The following SBK2 variants were observed in gnomAD, a reference collection of about 807,000 sequenced individuals.
The protein encoded by SBK2 is serine/threonine-protein kinase SBK2.
In SBK2, 18 loss-of-function variants were observed where a neutral mutation model predicts 15.9. The observed-to-expected ratio is 1.13, with a 90% CI of 0.78 to 1.68. The LOEUF (loss-of-function observed/expected upper bound fraction) is 1.68, where lower values mean the gene tolerates loss of function less well. Among genes scored for constraint, SBK2 ranks in the 40% most tolerant of loss-of-function variants. The pLI is 0.00. For missense variants in SBK2, 581 were observed against 510.9 expected (o/e 1.14, Z -1.32); for synonymous variants, 284 against 246.8 (o/e 1.15, Z -1.41).
At chr19:55,531,935 C>T (rs1044044667) in intron 2 of SBK2, among the ~76,000 whole-genome samples, 6 of 150,832 alleles carry the variant, frequency 4.0e-5, no homozygotes, top group African/African-American at 9.8e-5. Flanking sequence ...GCCGAGATTG[C>T]GCCACTGCAC....
intron 3 of SBK2, 146 bp from the exon 4 acceptor site, chr19:55,530,469 G>T: frequency 2.2e-6 from 1 of 457,658 alleles, no homozygotes; most frequent in Non-Finnish European, 3.7e-6. Flanking sequence ...TGTGAGGCCT[G>T]CGGGTTTAGT....
chr19:55,535,980 A>T (rs983989239), intron 2 of SBK2, 62 bp downstream of exon 2: 3 of 1,390,230 alleles, frequency 2.2e-6, no homozygotes, highest in Non-Finnish European at 9.4e-7. Flanking sequence ...AGCCTGGGCT[A>T]CCCCAGGCCC....
At chr19:55,535,891 A>AACCC (rs1792009918) in intron 2 of SBK2, 151 bp downstream of exon 2, 1 of 762,890 alleles carries the variant, frequency 1.3e-6, no homozygotes, top group Admixed American at 4.2e-5. Flanking sequence ...ACAACCAACC[A>AACCC]ACCAAAAGAA....
intron 1 of SBK2, 88 bp from the exon 2 acceptor site, chr19:55,536,384 G>A: frequency 1.7e-6 from 2 of 1,151,824 alleles, no homozygotes; most frequent in Non-Finnish European, 2.3e-6. Flanking sequence ...GTCTGAGGGA[G>A]GAGGGGCTGG....
In SBK2 at chr19:55,530,054, G is replaced by C; in HGVS notation, c.726C>G (p.Pro242=). ...PPLPEGLPIQ[P]ALDAWALGVL... is the part of the protein sequence containing the mutation. ...CGCCCAGCGCCCAGGCGTCCAGGGC[G>C]GGCTGAATGGGCAGGCCCTCGGGGA... is the stretch of plus-strand genomic sequence containing the variant. The change falls in exon 4 of 4, where the codon CCC becomes CCG. Residue 242 remains proline, a synonymous_variant. Coordinates refer to ENST00000413299, the MANE Select transcript of SBK2 (RefSeq NM_001370096.2). The C allele has an allele frequency of 6.8e-6, 10 of 1,463,340 alleles. No individual in the cohort carries two copies. Among genetic ancestry groups the C allele is most frequent in the Non-Finnish European group, 8.1e-6 (9 of 1,113,000 alleles). The allele number at this position is 1,463,340 out of a possible 1,614,324, so 90.6% of individuals were successfully genotyped here. A position where few individuals can be genotyped will look rare whatever the true frequency, so the allele number is the denominator to read the frequency against.
In SBK2 at chr19:55,536,131, C is replaced by T. The variant is rs746765416; in HGVS notation, c.164G>A (p.Arg55Gln). The T allele has an allele frequency of 2.5e-6, 4 of 1,571,224 alleles. No individual in the cohort carries two copies. Among genetic ancestry groups the T allele is most frequent in the Admixed American group, 1.9e-5 (1 of 53,724 alleles). The change falls in exon 2 of 4, where the codon CGA becomes CAA. Residue 55 changes from arginine to glutamine, a missense_variant. Coordinates refer to ENST00000413299, the MANE Select transcript of SBK2 (RefSeq NM_001370096.2). ...CTCGTAGAGCTCGTCCACCTCGGCT[C>T]GGACCAGGGTCTGAGCACTCAGCGT... ...MMTLSAQTLV[R>Q]AEVDELYEEV...
rs1312799841 is a variant in SBK2 at position 55,529,958 on chromosome 19, G to C, written c.822C>G (p.Tyr274Ter). 3.3e-6 allele frequency: 5 copies of C among 1,532,802 alleles called. No homozygotes were observed. Among genetic ancestry groups the C allele is most frequent in the East Asian group, 2.4e-5 (1 of 40,904 alleles). 95.0% of individuals were successfully genotyped at this position (1,532,802 alleles called of 1,614,324 possible). The change falls in exon 4 of 4, where the codon TAC (tyrosine) becomes TAG (stop). Residue 274 changes from tyrosine to a stop codon, truncating the protein, a stop_gained. Transcript: ENST00000413299. LOFTEE classifies it low-confidence loss of function (END_TRUNC). ...DRPLAEADPF[Y>*]EDFLIWQASG... ...ACGCCTGCCAGATGAGGAAGTCCTC[G>C]TAGAAGGGGTCGGCCTCGGCCAGGG...
intron 2 of SBK2, among the ~76,000 whole-genome samples, chr19:55,534,289 G>A (rs1988341954): frequency 6.6e-6 from 1 of 152,132 alleles, no homozygotes; most frequent in Admixed American, 6.6e-5. Flanking sequence ...ACACACAGAG[G>A]GACGACCATG....
At position 55,530,296 on chromosome 19, in the gene SBK2, G is replaced by T; in HGVS notation, c.484C>A (p.Arg162Ser). 1 of 1,431,388 alleles carries T rather than the reference G, an allele frequency of 7.0e-7. No individual in the cohort carries two copies. 88.7% of individuals were successfully genotyped at this position (1,431,388 alleles called of 1,614,324 possible). A position where few individuals can be genotyped will look rare whatever the true frequency, so the allele number is the denominator to read the frequency against. ...GCGGAGGCCAGCTGGGCGGCGCAGCGGTGCACCGCGGGCTGCGGGAGGCCC... is the reference window on the plus strand; with the variant it reads ...GCGGAGGCCAGCTGGGCGGCGCAGCTGTGCACCGCGGGCTGCGGGAGGCCC... ...KVGLPQPAVHRCAAQLASALE... is the reference protein window; with the variant it reads ...KVGLPQPAVHSCAAQLASALE... The change falls in exon 4 of 4, where the codon CGC becomes AGC. Residue 162 changes from arginine to serine, a missense_variant. Transcript: ENST00000413299.
Position 55,530,037 on chromosome 19 carries a change from G to T in SBK2, c.743C>A (p.Ala248Glu), listed in dbSNP as rs546747792. 3 of 1,490,200 alleles carry T rather than the reference G, an allele frequency of 2.0e-6. No individual in the cohort carries two copies. The highest frequency in any genetic ancestry group is 2.7e-6 in the Non-Finnish European group (3 of 1,124,176). 92.3% of individuals were successfully genotyped at this position (1,490,200 alleles called of 1,614,324 possible). ...GAGGCAGAAGAGCAGGACGCCCAGC[G>T]CCCAGGCGTCCAGGGCGGGCTGAAT... is the stretch of plus-strand genomic sequence containing the variant. ...LPIQPALDAW[A>E]LGVLLFCLLT... The change falls in exon 4 of 4, where the codon GCG becomes GAG. Residue 248 changes from alanine (A) to glutamate (E), a missense_variant. Transcript: ENST00000413299.
intron 2 of SBK2, 74 bp from the exon 3 acceptor site, chr19:55,531,419 G>T (rs1469015851): frequency 5.0e-6 from 6 of 1,208,230 alleles, no homozygotes; most frequent in African/African-American, 1.5e-5. Context: ...CTGTTCCCCT[G>T]TGGTCCCCTC....
At chr19:55,531,425 CCCT>C in intron 2 of SBK2, 80 bp from the exon 3 acceptor site, 1 of 1,051,090 alleles carries the variant, frequency 9.5e-7, no homozygotes, top group Non-Finnish European at 1.4e-6. Context: ...CCCTGTGGTC[CCCT>C]CAATGGCCCC....
At chr19:55,532,855 C>T (rs529356554) in intron 2 of SBK2, among the ~76,000 whole-genome samples, 50 of 152,116 alleles carry the variant, frequency 3.3e-4, no homozygotes, top group African/African-American at 1.2e-3. Flanking sequence ...GACGGTCTCG[C>T]TATGTTGCCC....
At chr19:55,532,601 C>CTT (rs10682612) in intron 2 of SBK2, among the ~76,000 whole-genome samples, 52,799 of 128,030 alleles carry the variant, frequency 0.41, 13,306 homozygotes, top group South Asian at 0.57. Context: ...TACACCCGCC[C>CTT]TTTTTTTTTT....
rs983409721 is a variant in SBK2 at position 55,530,150 on chromosome 19, G to A, written c.630C>T (p.Arg210=). 5 of 1,506,272 alleles carry A rather than the reference G, an allele frequency of 3.3e-6. No homozygotes were observed. Among genetic ancestry groups the A allele is most frequent in the Admixed American group, 2.2e-5 (1 of 45,588 alleles). 93.3% of individuals were successfully genotyped at this position (1,506,272 alleles called of 1,614,324 possible). A position where few individuals can be genotyped will look rare whatever the true frequency, so the allele number is the denominator to read the frequency against. Reference sequence around the variant, plus strand: ...GCCCGGCCAGGCGCAGCAGCGTCCCGCGAGGCCTCGTGTGGCCGAAGTCGG... The same window carrying A: ...GCCCGGCCAGGCGCAGCAGCGTCCCACGAGGCCTCGTGTGGCCGAAGTCGG... ...KLTDFGHTRP[R]GTLLRLAGPP... The change falls in exon 4 of 4, where the codon CGC becomes CGT. Residue 210 remains arginine, a synonymous_variant. Transcript: ENST00000413299.
Position 55,536,158 on chromosome 19 carries a change from A to G in SBK2, c.137T>C (p.Met46Thr), listed in dbSNP as rs774739206. The change falls in exon 2 of 4, where the codon ATG becomes ACG. Residue 46 changes from methionine (M) to threonine (T), a missense_variant. Transcript: ENST00000413299. ...GACCAGGGTCTGAGCACTCAGCGTC[A>G]TCATGTCCTCCAGCGCGCGGGCAGC... ...QEAARALEDM[M>T]TLSAQTLVRA... The G allele has an allele frequency of 8.1e-6, 13 of 1,604,860 alleles. No homozygotes were observed. The highest frequency in any genetic ancestry group is 5.4e-5 in the African/African-American group (4 of 74,664).
At chr19:55,530,734 GGTTT>G (rs1988234503) in intron 3 of SBK2, among the ~76,000 whole-genome samples, 1 of 10,376 alleles carries the variant, frequency 9.6e-5, no homozygotes, top group African/African-American at 1.5e-4. Flanking sequence ...GAGGCCTGTG[GGTTT>G]AGTGTGGCTT....
intron 2 of SBK2, among the ~76,000 whole-genome samples, chr19:55,533,617 CAG>C (rs1568492433): frequency 3.9e-5 from 2 of 51,068 alleles, no homozygotes; most frequent in Non-Finnish European, 6.6e-5. Flanking sequence ...TGCGCCACTG[CAG>C]TCCACAGTCC....
intron 1 of SBK2, 23 bp from the exon 2 acceptor site, chr19:55,536,319 C>T: frequency 1.4e-6 from 2 of 1,449,066 alleles, no homozygotes; most frequent in Non-Finnish European, 9.0e-7. Flanking sequence ...AGAGGGGTGC[C>T]CAGGCTCAGG....
Sources: gnomAD v4.1 joint callset for allele counts (sites outside exome capture counted in the v4.1 genomes callset) on GRCh38, gnomAD v4.1.1 for gene constraint, MANE v1.5 for transcripts, NCBI Gene and HGNC (gene_info 2026-07-23, HGNC 2026-07-21) for gene names.